KIF1B: variants seen among roughly 807,000 people sequenced by gnomAD.
KIF1B encodes the protein kinesin family member 1B, also known as kinesin-like protein KIF1B.
In KIF1B, 76 loss-of-function variants were observed where a neutral mutation model predicts 241.9. That is an observed-to-expected ratio of 0.31 (90% CI 0.26 to 0.38). The LOEUF (loss-of-function observed/expected upper bound fraction) is 0.38. KIF1B is among the 10% of genes least tolerant of loss of function. The pLI is 1.00. For synonymous variants in KIF1B, 750 were observed against 796.7 expected (o/e 0.94, Z 0.99); for missense variants, 1,622 against 2,271.4 (o/e 0.71, Z 5.81).
In KIF1B at chr1:10,376,605, C is replaced by T. The variant is rs1638895686; in HGVS notation, c.*18C>T. On this transcript the variant is annotated 3_prime_UTR_variant, in exon 49 of 49. Coordinates refer to ENST00000676179, the MANE Select transcript of KIF1B (RefSeq NM_001365951.3). ...AATACTAAGTGACTCTGCCGAGTGC[C>T]CTCACTCGCCTTCGAGAGATAAAGA... is the stretch of plus-strand genomic sequence containing the variant. 2 of 1,612,438 alleles carry T rather than the reference C, an allele frequency of 1.2e-6. No homozygotes were observed. The highest frequency in any genetic ancestry group is 1.1e-5 in the South Asian group (1 of 91,032).
intron 15 of KIF1B, 21 bp from the exon 16 acceptor site, chr1:10,291,061 A>T: frequency 1.3e-6 from 2 of 1,599,570 alleles, no homozygotes; most frequent in Non-Finnish European, 1.7e-6. Context: ...TGCCTCTTTA[A>T]CTGTGCGCTT....
intron 22 of KIF1B, among the ~76,000 whole-genome samples, chr1:10,311,548 T>A (rs960756068): frequency 1.3e-5 from 2 of 151,320 alleles, no homozygotes; most frequent in Non-Finnish European, 2.9e-5. Flanking sequence ...ATCCTCATTC[T>A]TGCTGGAACT....
intron 44 of KIF1B, among the ~76,000 whole-genome samples, chr1:10,370,844 C>T (rs538260938): frequency 2.6e-5 from 4 of 151,738 alleles, no homozygotes; most frequent in Middle Eastern, 6.8e-3. Context: ...GCTTGTAGTC[C>T]CAGGTACTCA....
Position 10,380,703 on chromosome 1 carries a change from C to G in KIF1B, c.*4116C>G, listed in dbSNP as rs1638999763. ...CCTGGGTGACAAAGCAGGACTCCGT[C>G]TCAAAAAAAAAGAAAAGATTCATGA... On this transcript the variant is annotated 3_prime_UTR_variant, in exon 49 of 49. Transcript: ENST00000676179. The G allele has an allele frequency of 4.9e-6, 1 of 205,418 alleles. No homozygotes were observed. The highest frequency in any genetic ancestry group is 1.9e-4 in the South Asian group (1 of 5,250). 12.7% of individuals were successfully genotyped at this position (205,418 alleles called of 1,614,324 possible). A position where few individuals can be genotyped will look rare whatever the true frequency, so the allele number is the denominator to read the frequency against.
intron 22 of KIF1B, chr1:10,305,278 A>G (rs1650772177): frequency 9.6e-7 from 1 of 1,043,242 alleles, no homozygotes. Context: ...TTTACAAAAA[A>G]CTCATATAAT....
intron 9 of KIF1B, 30 bp from the exon 10 acceptor site, chr1:10,272,984 A>AT: frequency 6.5e-7 from 1 of 1,536,630 alleles, no homozygotes; most frequent in Non-Finnish European, 8.8e-7. Context: ...CTGTGTTCTT[A>AT]TTTTCTCCTT....
intron 1 of KIF1B, among the ~76,000 whole-genome samples, chr1:10,212,038 C>T (rs1229376380): frequency 6.6e-6 from 1 of 152,154 alleles, no homozygotes; most frequent in Non-Finnish European, 1.5e-5. Context: ...TTTGTGGAAT[C>T]TCGAGGTAGC....
At chr1:10,373,120 C>T (rs774248782) in intron 45 of KIF1B, among the ~76,000 whole-genome samples, 3 of 146,242 alleles carry the variant, frequency 2.1e-5, no homozygotes, top group Non-Finnish European at 4.5e-5. Flanking sequence ...CGGCCACACC[C>T]AGCTAATTTT....
intron 28 of KIF1B, among the ~76,000 whole-genome samples, chr1:10,336,217 C>T (rs903746143): frequency 2.0e-5 from 3 of 152,176 alleles, no homozygotes; most frequent in Non-Finnish European, 2.9e-5. Flanking sequence ...GGTGCAATCT[C>T]GGCTCACTGC....
At chr1:10,307,996 C>T (rs1650910242) in intron 22 of KIF1B, 1 of 1,056,604 alleles carries the variant, frequency 9.5e-7, no homozygotes, top group Non-Finnish European at 1.1e-6. Flanking sequence ...TTGAAGTGAC[C>T]TTTTGTGCTT....
At chr1:10,280,127 T>C (rs991036616) in intron 14 of KIF1B, among the ~76,000 whole-genome samples, 2 of 152,236 alleles carry the variant, frequency 1.3e-5, no homozygotes, top group African/African-American at 4.8e-5. Flanking sequence ...GAGGAAATTA[T>C]TTCTTACCCT....
chr1:10,272,418 T>C (rs1359310239), intron 9 of KIF1B, 112 bp downstream of exon 9: 1 of 773,884 alleles, frequency 1.3e-6, no homozygotes, highest in African/African-American at 1.7e-5. Context: ...TTCTGTAATC[T>C]TGCCTTTCTC....
chr1:10,333,189 G>A (rs1025221739), intron 27 of KIF1B, among the ~76,000 whole-genome samples: 3 of 150,780 alleles, frequency 2.0e-5, no homozygotes, highest in African/African-American at 7.3e-5. Context: ...ACTTTGGGAG[G>A]CCGAGGCGGG....
At chr1:10,246,218 T>G (rs1227880629) in intron 2 of KIF1B, among the ~76,000 whole-genome samples, 1 of 152,200 alleles carries the variant, frequency 6.6e-6, no homozygotes, top group Non-Finnish European at 1.5e-5. Context: ...CTCCTTTATT[T>G]TTATCAATTC....
Position 10,342,036 on chromosome 1 carries a change from T to G in KIF1B, c.3514-14T>G. 1 of 1,484,210 alleles carries G rather than the reference T, an allele frequency of 6.7e-7. No individual in the cohort carries two copies. The highest frequency in any genetic ancestry group is 9.4e-7 in the Non-Finnish European group (1 of 1,061,572). The allele number at this position is 1,484,210 out of a possible 1,614,324, so 91.9% of individuals were successfully genotyped here. On this transcript the variant is annotated splice_polypyrimidine_tract_variant and intron_variant, in intron 32 of 48. Coordinates refer to ENST00000676179, the MANE Select transcript of KIF1B (RefSeq NM_001365951.3). ...ATTTTCTTGTAATCTTTTCCTAATC[T>G]TGCTTGGCTTTAGATTGCAGTGGAG...
At position 10,365,324 on chromosome 1, in the gene KIF1B, G is replaced by A; in HGVS notation, c.4512+79G>A. 1 of 1,613,492 alleles carries A rather than the reference G, an allele frequency of 6.2e-7. No homozygotes were observed. The highest frequency in any genetic ancestry group is 1.7e-5 in the Admixed American group (1 of 59,946). Reference sequence around the variant, plus strand: ...AGTATCAGTCTTCCTCCCCGCTGCTGCATGTGATCATAGCTTTTCACTTTT... The same window carrying A: ...AGTATCAGTCTTCCTCCCCGCTGCTACATGTGATCATAGCTTTTCACTTTT... On this transcript the variant is annotated intron_variant, in intron 42 of 48. Transcript: ENST00000676179. The surrounding 1 kb of genome is among the most constrained non-coding windows in gnomAD (Gnocchi z 4.0).
Position 10,364,755 on chromosome 1 carries a change from C to G in KIF1B, c.4367-345C>G, listed in dbSNP as rs530682012. Among the ~76,000 whole-genome samples the G allele has an allele frequency of 3.4e-3, 523 of 151,980 alleles. 2 individuals carry two copies. Among genetic ancestry groups the G allele is most frequent in the South Asian group, 0.013 (64 of 4,812 alleles). ...GGCGCGGTGGCTCACGCCTGTAATT[C>G]CAGCACTTTGGGAGGCTGAGGCAGG... On this transcript the variant is annotated intron_variant, in intron 41 of 48. Coordinates refer to ENST00000676179, the MANE Select transcript of KIF1B (RefSeq NM_001365951.3).
rs200698121 is a variant in KIF1B at position 10,230,352 on chromosome 1, CTTTG to C, written c.-79-1893_-79-1890del. On this transcript the variant is annotated intron_variant, in intron 1 of 48. Coordinates refer to ENST00000676179, the MANE Select transcript of KIF1B (RefSeq NM_001365951.3). ...ATTACTTTTCTTTTTTAGATTTTTC[CTTTG>C]TTTGGTTATTCTTGAAAAAGATTTT... is the stretch of plus-strand genomic sequence containing the variant. Among the ~76,000 whole-genome samples, 1,214 of 151,116 alleles carry C rather than the reference CTTTG, an allele frequency of 8.0e-3. 14 individuals carry two copies. The highest frequency in any genetic ancestry group is 0.028 in the African/African-American group (1,150 of 41,288).
chr1:10,268,381 A>G, intron 7 of KIF1B, 118 bp downstream of exon 7: 1 of 729,424 alleles, frequency 1.4e-6, no homozygotes, highest in Non-Finnish European at 2.5e-6. Context: ...CTTTTACTTA[A>G]TGGAGGGTGT....
Sources: allele counts gnomAD v4.1 joint callset (sites outside exome capture counted in the v4.1 genomes callset), GRCh38; gene constraint gnomAD v4.1.1; non-coding constraint Gnocchi (gnomAD v3.1); transcripts MANE v1.5; gene names NCBI Gene and HGNC (gene_info 2026-07-23, HGNC 2026-07-21).